The following SLC16A1 variants were observed in gnomAD, a reference collection of about 807,000 sequenced individuals.
The protein encoded by SLC16A1 is solute carrier family 16 member 1.
A neutral mutation model predicts 32.2 loss-of-function variants in SLC16A1; 11 were observed. The observed-to-expected ratio is 0.34, with a 90% CI of 0.21 to 0.56. The LOEUF (loss-of-function observed/expected upper bound fraction) is 0.56. SLC16A1 is among the 20% of genes least tolerant of loss of function. SLC16A1 has a pLI of 0.87. For synonymous variants in SLC16A1, 231 were observed against 226.8 expected (o/e 1.02, Z -0.17); for missense variants, 435 against 615.0 (o/e 0.71, Z 3.10).
At chr1:112,954,500 A>G (rs185411933) in intron 1 of SLC16A1, among the ~76,000 whole-genome samples, 1 of 152,364 alleles carries the variant, frequency 6.6e-6, no homozygotes, top group African/African-American at 2.4e-5. Context: ...ATATGCCCTA[A>G]TATTTAAAGG....
At chr1:112,951,074 A>T (rs529781322) in intron 1 of SLC16A1, among the ~76,000 whole-genome samples, 3 of 151,786 alleles carry the variant, frequency 2.0e-5, no homozygotes, top group Admixed American at 6.6e-5. Context: ...TTCTATCTTT[A>T]AAAAAAAGAT....
intron 1 of SLC16A1, among the ~76,000 whole-genome samples, chr1:112,933,732 GA>G (rs1649214119): frequency 6.6e-6 from 1 of 152,148 alleles, no homozygotes. Flanking sequence ...AAATAAGACA[GA>G]TAATTCCATG....
chr1:112,934,897 C>T (rs1649247204), intron 1 of SLC16A1, among the ~76,000 whole-genome samples: 2 of 152,146 alleles, frequency 1.3e-5, no homozygotes, highest in Admixed American at 1.3e-4. Flanking sequence ...ATTGTGAACA[C>T]ATCAAGAACC....
intron 1 of SLC16A1, among the ~76,000 whole-genome samples, chr1:112,944,213 G>A (rs768625543): frequency 6.6e-6 from 1 of 152,154 alleles, no homozygotes; most frequent in Admixed American, 6.5e-5. Context: ...CACTTTGGGA[G>A]GCAGAGGCGG....
intron 1 of SLC16A1, among the ~76,000 whole-genome samples, chr1:112,930,859 C>T (rs886970604): frequency 1.3e-5 from 2 of 151,962 alleles, no homozygotes; most frequent in African/African-American, 2.4e-5. Context: ...GCTGGGACTA[C>T]AGGCACACGC....
chr1:112,939,433 C>G (rs972859832), intron 1 of SLC16A1, among the ~76,000 whole-genome samples: 1 of 152,220 alleles, frequency 6.6e-6, no homozygotes, highest in Non-Finnish European at 1.5e-5. Flanking sequence ...TGCACACTCC[C>G]ATGTTCTCTG....
chr1:112,938,898 T>C (rs1302563058), intron 1 of SLC16A1, among the ~76,000 whole-genome samples: 1 of 152,044 alleles, frequency 6.6e-6, no homozygotes, highest in Non-Finnish European at 1.5e-5. Flanking sequence ...TTTTACCTTT[T>C]TTTCTTTTTT....
intron 2 of SLC16A1, chr1:112,923,839 T>C: frequency 6.6e-7 from 1 of 1,506,210 alleles, no homozygotes; most frequent in Admixed American, 1.7e-5. Context: ...GGCTGGACCC[T>C]GCCCACTGTG....
chr1:112,916,710 G>A (rs925709287), intron 4 of SLC16A1, among the ~76,000 whole-genome samples: 4 of 151,848 alleles, frequency 2.6e-5, no homozygotes, highest in African/African-American at 7.3e-5. Flanking sequence ...CAAGTGGATC[G>A]TTTGAGGTCA....
intron 1 of SLC16A1, among the ~76,000 whole-genome samples, chr1:112,940,039 ATTTTTTTTTTTT>A (rs55864843): frequency 0.039 from 4,186 of 108,660 alleles, 230 homozygotes; most frequent in African/African-American, 0.13. Context: ...CTGATGGGTG[ATTTTTTTTTTTT>A]TTTTTTTTTT....
At chr1:112,919,011 T>TTTATTTTA in intron 3 of SLC16A1, among the ~76,000 whole-genome samples, 1 of 144,292 alleles carries the variant, frequency 6.9e-6, no homozygotes, top group South Asian at 2.2e-4. Context: ...TACTAATTTA[T>TTTATTTTA]TTTATTTATT....
intron 1 of SLC16A1, among the ~76,000 whole-genome samples, chr1:112,939,654 T>C (rs1416335107): frequency 6.6e-6 from 1 of 152,078 alleles, no homozygotes; most frequent in Non-Finnish European, 1.5e-5. Context: ...TACAAGCATG[T>C]GCCACCATGC....
chr1:112,926,274 A>G (rs966807688), intron 2 of SLC16A1, among the ~76,000 whole-genome samples: 1 of 152,232 alleles, frequency 6.6e-6, no homozygotes, highest in Non-Finnish European at 1.5e-5. Context: ...CATAGGACCA[A>G]GTCTCTCTAA....
At chr1:112,953,072 G>A (rs1208578562) in intron 1 of SLC16A1, among the ~76,000 whole-genome samples, 1 of 150,952 alleles carries the variant, frequency 6.6e-6, no homozygotes, top group Non-Finnish European at 1.5e-5. Context: ...CCTCCTTTCA[G>A]CCTGTTCTCC....
chr1:112,938,608 C>T (rs1649392047), intron 1 of SLC16A1, among the ~76,000 whole-genome samples: 1 of 152,230 alleles, frequency 6.6e-6, no homozygotes, highest in Admixed American at 6.5e-5. Context: ...TTCCAACTCT[C>T]TTTACCTACC....
At chr1:112,922,335 C>T in intron 2 of SLC16A1, 1 of 598,030 alleles carries the variant, frequency 1.7e-6, no homozygotes, top group Non-Finnish European at 2.9e-6. Context: ...GGTTCTAAAT[C>T]TAAAAATACT....
chr1:112,914,202 G>C, intron 4 of SLC16A1, 37 bp from the exon 5 acceptor site: 1 of 1,612,920 alleles, frequency 6.2e-7, no homozygotes, highest in Non-Finnish European at 8.5e-7. Flanking sequence ...TTGTTTCTAA[G>C]AGTAAACAGT....
chr1:112,918,037 C>A lies in SLC16A1; in HGVS notation c.369G>T (p.Gly123=). 2 of 1,555,060 alleles carry A rather than the reference C, an allele frequency of 1.3e-6. No individual in the cohort carries two copies. The highest frequency in any genetic ancestry group is 2.1e-5 in the Admixed American group (1 of 48,508). ...GAGCTGGATTCAAGTTGAAGGCAAG[C>A]CCAAGACCTGTGAAGACAATAAATA... The part of the protein sequence containing the change: ...YVCIGVIGGL[G]LAFNLNPALT... Residue 123 remains glycine, a synonymous_variant, in exon 4 of 5, where the codon GGG becomes GGT. Coordinates refer to ENST00000369626, the MANE Select transcript of SLC16A1 (RefSeq NM_003051.4).
Position 112,913,989 on chromosome 1 carries a change from C to G in SLC16A1, c.1405G>C (p.Asp469His), listed in dbSNP as rs1467588176. ...KESKEEETSI[D>H]VAGKPNEVTK... ...ACTTCATTTGGCTTCCCAGCAACATCTATACTGGTCTCTTCCTCTTTACTT... is the reference window on the plus strand; with the variant it reads ...ACTTCATTTGGCTTCCCAGCAACATGTATACTGGTCTCTTCCTCTTTACTT... Residue 469 changes from aspartate to histidine, a missense_variant, in exon 5 of 5, where the codon GAT (aspartate) becomes CAT (histidine). Around this residue, in one of 2 missense-constraint regions of SLC16A1, gnomAD observed 111 missense variants for 114.7 expected, o/e 0.97. Coordinates refer to ENST00000369626, the MANE Select transcript of SLC16A1 (RefSeq NM_003051.4). The G allele has an allele frequency of 1.9e-6, 3 of 1,614,184 alleles. No individual in the cohort carries two copies. Among genetic ancestry groups the G allele is most frequent in the Non-Finnish European group, 2.5e-6 (3 of 1,180,022 alleles).
Sources: gnomAD v4.1 joint callset for allele counts (sites outside exome capture counted in the v4.1 genomes callset) on GRCh38, gnomAD v4.1.1 for gene constraint, gnomAD v4.1.1 regional missense constraint, MANE v1.5 for transcripts, NCBI Gene and HGNC (gene_info 2026-07-23, HGNC 2026-07-21) for gene names.